HELZ: variants seen among roughly 807,000 people sequenced by gnomAD.
HELZ encodes the protein ATP-dependent RNA helicase with zinc finger domain.
HELZ carries 23 observed loss-of-function variants against 218.2 expected under a neutral mutation model. The ratio of observed to expected loss-of-function variants is 0.11; its 90% CI spans 0.08 to 0.15. The LOEUF is 0.15. Ranked by LOEUF, HELZ falls within the 10% of genes least tolerant of loss-of-function variation. The probability of loss-of-function intolerance (pLI) is 1.00; values close to 1 mark genes in which losing one functional copy is unlikely to be tolerated. For synonymous variants in HELZ, 814 were observed against 829.4 expected, an observed-to-expected ratio of 0.98 and a Z score of 0.32; for missense variants, 1,813 against 2,353.7, an observed-to-expected ratio of 0.77 and a Z score of 4.75.
chr17:67,227,231 C>T (rs1268054570), intron 3 of HELZ, among the ~76,000 whole-genome samples: 2 of 150,054 alleles, frequency 1.3e-5, no homozygotes, highest in African/African-American at 2.5e-5. Context: ...CTCACTCTGT[C>T]GCCCAGGTTG....
chr17:67,154,829 T>C (rs1039448158), intron 17 of HELZ, among the ~76,000 whole-genome samples: 1 of 152,212 alleles, frequency 6.6e-6, no homozygotes, highest in Non-Finnish European at 1.5e-5. Flanking sequence ...CTATGTATAA[T>C]CATTTTCTTA....
chr17:67,107,719 A>G (rs777634560), intron 30 of HELZ, 34 bp from the exon 31 acceptor site: 1 of 1,567,128 alleles, frequency 6.4e-7, no homozygotes, highest in Non-Finnish European at 8.6e-7. Context: ...AGGAGAAAAC[A>G]AAAGGCTCCA....
At chr17:67,080,722 TAAC>T (rs2143531498) in intron 32 of HELZ, among the ~76,000 whole-genome samples, 1 of 152,288 alleles carries the variant, frequency 6.6e-6, no homozygotes, top group Admixed American at 6.5e-5. Flanking sequence ...CATGGCTAAA[TAAC>T]AATAGAAGTG....
At chr17:67,180,827 GA>G (rs2039587667) in intron 12 of HELZ, among the ~76,000 whole-genome samples, 1 of 144,902 alleles carries the variant, frequency 6.9e-6, no homozygotes, top group Non-Finnish European at 1.5e-5. Flanking sequence ...GCAGTGAGCG[GA>G]GATCGCGCCA....
rs1318975626 is a variant in HELZ at position 67,166,614 on chromosome 17, A to G, written c.1765-6T>C. On this transcript the variant is annotated splice_polypyrimidine_tract_variant and splice_region_variant and intron_variant, in intron 14 of 32. Transcript: ENST00000358691. ...AATTGAAACTGAAGTTCAACCTGAA[A>G]GACAAAATGAATGTTTTAAAAACTG... 6.2e-7 allele frequency: 1 copy of G among 1,613,072 alleles called. No individual in the cohort carries two copies. Among genetic ancestry groups the G allele is most frequent in the Non-Finnish European group, 8.5e-7 (1 of 1,179,348 alleles).
At chr17:67,098,599 C>CTGGGCA (rs888453832) in intron 31 of HELZ, among the ~76,000 whole-genome samples, 3 of 150,740 alleles carry the variant, frequency 2.0e-5, no homozygotes, top group Non-Finnish European at 3.0e-5. Flanking sequence ...GAAAAATTAG[C>CTGGGCA]TGGGCATGGT....
intron 31 of HELZ, among the ~76,000 whole-genome samples, chr17:67,096,560 C>T (rs1309898601): frequency 6.6e-6 from 1 of 152,246 alleles, no homozygotes; most frequent in African/African-American, 2.4e-5. Context: ...TCTATATTAG[C>T]ACTTGCTGTT....
intron 3 of HELZ, among the ~76,000 whole-genome samples, chr17:67,233,515 G>A (rs1285989319): frequency 6.6e-6 from 1 of 152,134 alleles, no homozygotes; most frequent in Non-Finnish European, 1.5e-5. Context: ...GAAAAGTCAT[G>A]GACTGGGAAT....
Position 67,151,194 on chromosome 17 carries a change from A to G in HELZ, c.2208T>C (p.Thr736=). Residue 736 remains threonine, a synonymous_variant, in exon 18 of 33, where the codon ACT becomes ACC. Coordinates refer to ENST00000358691, the MANE Select transcript of HELZ (RefSeq NM_014877.4). The part of the protein sequence containing the change: ...RVYFRNRWVK[T]VHPVVHQYCL... ...AGTACTGATGCACAACTGGGTGGAC[A>G]GTCTTTACCCAGCGATTTCTGAAAT... The G allele has an allele frequency of 1.2e-6, 2 of 1,613,192 alleles. No homozygotes were observed. Among genetic ancestry groups the G allele is most frequent in the Non-Finnish European group, 1.7e-6 (2 of 1,179,466 alleles).
intron 13 of HELZ, among the ~76,000 whole-genome samples, chr17:67,177,973 T>C (rs1409372054): frequency 6.6e-6 from 1 of 152,126 alleles, no homozygotes; most frequent in East Asian, 1.9e-4. Context: ...TAAAAATGTA[T>C]TCAGGTCTCA....
rs1427869914 is a variant in HELZ, at chr17:67,186,220, A to C, written c.1162+2099T>G. On this transcript the variant is annotated intron_variant, in intron 12 of 32. Transcript: ENST00000358691. Reference sequence around the variant, plus strand: ...TCTTCCTTTTGTGTATAAGCCAGAAATTATCCTAATCAAGGCTAATTATAA... The same window carrying C: ...TCTTCCTTTTGTGTATAAGCCAGAACTTATCCTAATCAAGGCTAATTATAA... 3.9e-5 allele frequency among the ~76,000 whole-genome samples: 6 copies of C among 152,180 alleles called. No individual in the cohort carries two copies. The East Asian group carries it at 1.2e-3, about 29-fold the overall frequency.
intron 28 of HELZ, among the ~76,000 whole-genome samples, chr17:67,112,039 C>T (rs1251281886): frequency 1.3e-5 from 2 of 152,170 alleles, no homozygotes; most frequent in Non-Finnish European, 2.9e-5. Flanking sequence ...TAGATAAGGA[C>T]TGTGCTATTC....
rs781308124 is a variant in HELZ, at chr17:67,167,535, C to T, written c.1692G>A (p.Lys564=). 26 of 1,613,592 alleles carry T rather than the reference C, an allele frequency of 1.6e-5. No homozygotes were observed. The highest frequency in any genetic ancestry group is 8.5e-7 in the Non-Finnish European group (1 of 1,179,652). Residue 564 remains lysine, a synonymous_variant, in exon 14 of 33, where the codon AAG becomes AAA. Transcript: ENST00000358691. Reference sequence around the variant, plus strand: ...TAGATAGCCTTAAAAATATATATTCCTTTGTTTTTTCTTCAATAGTAGCTT... The same window carrying T: ...TAGATAGCCTTAAAAATATATATTCTTTTGTTTTTTCTTCAATAGTAGCTT... ...VYEATIEEKT[K]EYIFLRLSRE...
intron 12 of HELZ, among the ~76,000 whole-genome samples, chr17:67,180,389 T>C (rs956837244): frequency 6.6e-6 from 1 of 152,052 alleles, no homozygotes; most frequent in African/African-American, 2.4e-5. Context: ...TGATGGTCTG[T>C]TTTTGCAATA....
At chr17:67,120,306 G>T in intron 27 of HELZ, 99 bp downstream of exon 27, 1 of 995,724 alleles carries the variant, frequency 1.0e-6, no homozygotes, top group Non-Finnish European at 1.5e-6. Flanking sequence ...TATAATCCAT[G>T]AAAAAGTTAA....
chr17:67,222,034 G>A (rs2040760971), intron 3 of HELZ, among the ~76,000 whole-genome samples: 1 of 151,646 alleles, frequency 6.6e-6, no homozygotes, highest in Non-Finnish European at 1.5e-5. Context: ...TAGAGACAGG[G>A]TTTCAATGTG....
intron 17 of HELZ, among the ~76,000 whole-genome samples, chr17:67,156,846 T>TATGG (rs769041841): frequency 2.0e-4 from 30 of 152,246 alleles, no homozygotes; most frequent in South Asian, 1.9e-3. Context: ...ATTTATATAG[T>TATGG]ATGGATATTT....
chr17:67,108,380 C>G lies in HELZ; in HGVS notation c.4724+112G>C. ...GTGTAGCGTGTGCTTGGAAGGCCAG[C>G]ATCCAATTTCTCTGAGGCAATATTC... On this transcript the variant is annotated intron_variant, in intron 30 of 32. Transcript: ENST00000358691. This position sits in a 1 kb window ranked among gnomAD's most constrained non-coding sequence, Gnocchi z 4.1. The G allele has an allele frequency of 1.3e-6, 1 of 759,116 alleles. No individual in the cohort carries two copies. The highest frequency in any genetic ancestry group is 2.2e-6 in the Non-Finnish European group (1 of 449,926). The allele number at this position is 759,116 out of a possible 1,614,324, so 47.0% of individuals were successfully genotyped here. A position where few individuals can be genotyped will look rare whatever the true frequency, so the allele number is the denominator to read the frequency against.
chr17:67,191,964 G>C (rs1567878367), intron 9 of HELZ, among the ~76,000 whole-genome samples: 1 of 151,778 alleles, frequency 6.6e-6, no homozygotes, highest in South Asian at 2.1e-4. Context: ...AGCACTTTGG[G>C]AGGCCAAGGC....
Sources: gnomAD v4.1 joint callset for allele counts (sites outside exome capture counted in the v4.1 genomes callset) on GRCh38, gnomAD v4.1.1 for gene constraint, Gnocchi (gnomAD v3.1) non-coding constraint, MANE v1.5 for transcripts, NCBI Gene and HGNC (gene_info 2026-07-23, HGNC 2026-07-21) for gene names.